Variants in PCDH15 observed in about 807,000 individuals in gnomAD.
PCDH15 encodes protocadherin related 15.
PCDH15 carries 129 observed loss-of-function variants against 178.5 expected under a neutral mutation model. The observed-to-expected ratio is 0.72, with a 90% confidence interval of 0.63 to 0.84. PCDH15 has a LOEUF of 0.84. Among genes scored for constraint, PCDH15 ranks in the 40% least tolerant of loss-of-function variants. The probability of loss-of-function intolerance (pLI) is 0.00; values close to 1 mark genes in which losing one functional copy is unlikely to be tolerated. For synonymous variants in PCDH15, 800 were observed against 732.0 expected (o/e 1.09, Z -1.50); for missense variants, 2,230 against 2,099.9 (o/e 1.06, Z -1.21).
chr10:54,265,502 A>G (rs1363994521), intron 8 of PCDH15, among the ~76,000 whole-genome samples: 1 of 151,570 alleles, frequency 6.6e-6, no homozygotes, highest in Non-Finnish European at 1.5e-5. Context: ...AAAAAAAAAG[A>G]ATCATCCATC....
chr10:54,957,223 G>T (rs1260247019), intron 2 of PCDH15, among the ~76,000 whole-genome samples: 2 of 151,510 alleles, frequency 1.3e-5, no homozygotes, highest in Non-Finnish European at 3.0e-5. Context: ...TATAGGCAGA[G>T]TAAATAAACT....
intron 2 of PCDH15, among the ~76,000 whole-genome samples, chr10:55,339,991 G>A (rs1161655694): frequency 3.3e-5 from 5 of 150,464 alleles, no homozygotes; most frequent in South Asian, 4.2e-4. Flanking sequence ...AGAGACTGTC[G>A]TATCTTATCT....
At chr10:53,945,837 GTATATATATATATATA>G (rs56389905) in intron 23 of PCDH15, among the ~76,000 whole-genome samples, 6,070 of 119,408 alleles carry the variant, frequency 0.051, 213 homozygotes, top group East Asian at 0.066. Flanking sequence ...ATATTTCATT[GTATATATATATATATA>G]TATATATATA....
chr10:54,085,610 T>C (rs1486199346), intron 16 of PCDH15, among the ~76,000 whole-genome samples: 1 of 152,186 alleles, frequency 6.6e-6, no homozygotes, highest in Non-Finnish European at 1.5e-5. Context: ...ATTAGAATCA[T>C]ACAGATATGG....
At chr10:55,598,319 C>A (rs1842976457) in intron 2 of PCDH15, among the ~76,000 whole-genome samples, 1 of 133,456 alleles carries the variant, frequency 7.5e-6, no homozygotes, top group Non-Finnish European at 1.6e-5. Context: ...GGATTAGAAA[C>A]CCCACTATGC....
At chr10:55,494,764 T>C (rs1840495340) in intron 2 of PCDH15, among the ~76,000 whole-genome samples, 1 of 151,790 alleles carries the variant, frequency 6.6e-6, no homozygotes, top group South Asian at 2.1e-4. Flanking sequence ...ATATGTAGCA[T>C]AAACTTTTAT....
In PCDH15 at chr10:53,823,049, C is replaced by T. The variant is rs375077719; in HGVS notation, c.4368-2819G>A. 2.2e-5 allele frequency: 35 copies of T among 1,613,864 alleles called. No homozygotes were observed. In the African/African-American group the frequency reaches 4.5e-4, roughly 21 times the overall value. ...CTCTTGGGCCCCTCAGAGACTTACT[C>T]TTGGCTTGTATTTTGGGTGAAAATG... On this transcript the variant is annotated intron_variant, in intron 32 of 37. Transcript: ENST00000644397.
intron 2 of PCDH15, among the ~76,000 whole-genome samples, chr10:54,541,883 T>C (rs2085272720): frequency 6.6e-6 from 1 of 152,128 alleles, no homozygotes; most frequent in African/African-American, 2.4e-5. Context: ...CTGTTTAAAA[T>C]TACACTCTTC....
chr10:55,405,704 T>C (rs566061030), intron 2 of PCDH15, among the ~76,000 whole-genome samples: 65 of 152,074 alleles, frequency 4.3e-4, no homozygotes, highest in African/African-American at 1.6e-3. Context: ...ATAACAGATA[T>C]TTATTGTACA....
chr10:54,989,484 A>C (rs1485434737), intron 2 of PCDH15, among the ~76,000 whole-genome samples: 1 of 152,208 alleles, frequency 6.6e-6, no homozygotes, highest in Non-Finnish European at 1.5e-5. Flanking sequence ...GCCCAAGTCC[A>C]TGGGAACCTA....
intron 3 of PCDH15, among the ~76,000 whole-genome samples, chr10:54,811,841 C>T (rs1485176662): frequency 6.6e-6 from 1 of 152,156 alleles, no homozygotes; most frequent in Non-Finnish European, 1.5e-5. Flanking sequence ...TGTAACTAAA[C>T]TGAATAATTA....
chr10:55,308,017 A>G (rs1264658367), intron 1 of PCDH15, among the ~76,000 whole-genome samples: 2 of 152,206 alleles, frequency 1.3e-5, no homozygotes, highest in Admixed American at 6.5e-5. Flanking sequence ...TCATACTAAC[A>G]TGCATTCCTA....
intron 2 of PCDH15, among the ~76,000 whole-genome samples, chr10:54,651,214 T>C (rs2094252546): frequency 6.6e-6 from 1 of 151,904 alleles, no homozygotes; most frequent in Non-Finnish European, 1.5e-5. Context: ...TTTAAAACAA[T>C]ATAGACAGAA....
rs866317493 is a variant in PCDH15, at chr10:54,120,598, T to C, written c.1917+12277A>G. Among the ~76,000 whole-genome samples the C allele has an allele frequency of 6.6e-5, 10 of 152,044 alleles. No individual in the cohort carries two copies. The South Asian group carries it at 1.7e-3, about 25-fold the overall frequency. On this transcript the variant is annotated intron_variant, in intron 15 of 37. Coordinates refer to ENST00000644397, the MANE Select transcript of PCDH15 (RefSeq NM_001384140.1). ...AGTAAAGAGATGGAGTAAGATCTAC[T>C]ATGCAAACAGAAAAGGAAAAGAACA... is the stretch of plus-strand genomic sequence containing the variant.
chr10:55,053,183 T>A (rs1423225103), intron 2 of PCDH15, among the ~76,000 whole-genome samples: 1 of 152,232 alleles, frequency 6.6e-6, no homozygotes, highest in Non-Finnish European at 1.5e-5. Flanking sequence ...ATGATTTTTT[T>A]ATTCAAGACC....
At chr10:54,136,763 G>C (rs1239979477) in intron 14 of PCDH15, among the ~76,000 whole-genome samples, 2 of 152,082 alleles carry the variant, frequency 1.3e-5, no homozygotes, top group South Asian at 2.1e-4. Context: ...AAAACACAGA[G>C]ACAAATTTTA....
intron 21 of PCDH15, among the ~76,000 whole-genome samples, chr10:53,973,116 A>C (rs1365636934): frequency 6.6e-6 from 1 of 152,088 alleles, no homozygotes; most frequent in Non-Finnish European, 1.5e-5. Context: ...CAGCCATAAA[A>C]AAGGATGAGC....
At chr10:54,509,073 A>C (rs1347824330) in intron 3 of PCDH15, among the ~76,000 whole-genome samples, 1 of 151,980 alleles carries the variant, frequency 6.6e-6, no homozygotes, top group Non-Finnish European at 1.5e-5. Flanking sequence ...AAATTTTCAG[A>C]TTTTAGAGAA....
intron 2 of PCDH15, among the ~76,000 whole-genome samples, chr10:55,556,372 T>G (rs1170425303): frequency 6.6e-6 from 1 of 152,188 alleles, no homozygotes; most frequent in Admixed American, 6.6e-5. Context: ...TGCATATCTT[T>G]GCCTCTACCA....
Sources: allele counts gnomAD v4.1 joint callset (sites outside exome capture counted in the v4.1 genomes callset), GRCh38; gene constraint gnomAD v4.1.1; transcripts MANE v1.5; gene names NCBI Gene and HGNC (gene_info 2026-07-23, HGNC 2026-07-21).